The following PLB1 variants were observed in gnomAD, a reference collection of about 807,000 sequenced individuals.
The protein encoded by PLB1 is phospholipase B1, membrane-associated.
PLB1 carries 242 observed loss-of-function variants against 227.4 expected under a neutral mutation model. That is an observed-to-expected ratio of 1.06 (90% CI 0.96 to 1.18). The LOEUF (loss-of-function observed/expected upper bound fraction) is 1.18, where lower values mean the gene tolerates loss of function less well. Ranked by LOEUF, PLB1 falls within the 50% of genes most tolerant of loss-of-function variation. PLB1 has a pLI of 0.00. For synonymous variants in PLB1, 757 were observed against 682.2 expected (o/e 1.11, Z -1.71); for missense variants, 1,858 against 1,816.3 (o/e 1.02, Z -0.42).
intron 17 of PLB1, among the ~76,000 whole-genome samples, chr2:28,556,986 G>C (rs765266389): frequency 3.3e-5 from 5 of 151,964 alleles, no homozygotes; most frequent in African/African-American, 1.2e-4. Context: ...TCATCTCATC[G>C]TGAGCCAGCA....
chr2:28,643,154 A>G lies in PLB1; in HGVS notation c.*93A>G, dbSNP rs1000008645. On this transcript the variant is annotated 3_prime_UTR_variant, in exon 58 of 58. Transcript: ENST00000327757. ...CTCCCGGCCACCAGGACATGCTTCA[A>G]TGCCTGGTGCCATAGGAAGCCCAGG... 5.5e-6 allele frequency: 7 copies of G among 1,266,372 alleles called. No individual in the cohort carries two copies. In the African/African-American group the frequency reaches 9.0e-5, roughly 16 times the overall value. 78.4% of individuals were successfully genotyped at this position (1,266,372 alleles called of 1,614,324 possible).
intron 32 of PLB1, 125 bp from the exon 33 acceptor site, chr2:28,593,556 G>T: frequency 1.3e-6 from 1 of 753,930 alleles, no homozygotes. Flanking sequence ...GGGGCTCCTG[G>T]TTCCATGTCT....
At chr2:28,504,777 CA>C (rs1558630175) in intron 1 of PLB1, among the ~76,000 whole-genome samples, 1 of 152,060 alleles carries the variant, frequency 6.6e-6, no homozygotes, top group African/African-American at 2.4e-5. Flanking sequence ...AACAAAAATT[CA>C]TTTTGAAATT....
chr2:28,567,624 C>T (rs1260283366), intron 20 of PLB1, among the ~76,000 whole-genome samples: 2 of 151,956 alleles, frequency 1.3e-5, no homozygotes, highest in South Asian at 2.1e-4. Flanking sequence ...CAGGCCCCCG[C>T]CACCACACCC....
intron 46 of PLB1, among the ~76,000 whole-genome samples, chr2:28,619,524 G>GTTT (rs1054121256): frequency 1.1e-4 from 5 of 47,236 alleles, no homozygotes; most frequent in Admixed American, 2.1e-4. Context: ...TCAAGGTTTT[G>GTTT]TTTTTTTTTT....
intron 14 of PLB1, among the ~76,000 whole-genome samples, chr2:28,545,161 T>A (rs1281122897): frequency 6.6e-6 from 1 of 152,016 alleles, no homozygotes; most frequent in Non-Finnish European, 1.5e-5. Flanking sequence ...ACAGAGAGTG[T>A]CACAAGGGCT....
intron 51 of PLB1, 57 bp from the exon 52 acceptor site, chr2:28,628,506 G>A (rs1688124072): frequency 1.3e-6 from 2 of 1,517,096 alleles, no homozygotes; most frequent in Admixed American, 1.7e-5. Flanking sequence ...CTATGCTCTT[G>A]CCATTCTCTC....
At chr2:28,582,158 T>C in intron 24 of PLB1, 25 bp downstream of exon 24, 1 of 1,605,154 alleles carries the variant, frequency 6.2e-7, no homozygotes, top group Non-Finnish European at 8.5e-7. Flanking sequence ...CCATGAGGCC[T>C]GCATCTTAGA....
intron 55 of PLB1, among the ~76,000 whole-genome samples, chr2:28,632,447 T>C (rs142219520): frequency 1.2e-3 from 183 of 152,228 alleles, no homozygotes; most frequent in African/African-American, 4.1e-3. Flanking sequence ...ATAGGGGTGC[T>C]GAAAGAAAAG....
intron 31 of PLB1, 66 bp from the exon 32 acceptor site, chr2:28,592,595 A>G (rs1485966783): frequency 2.0e-6 from 3 of 1,509,460 alleles, no homozygotes; most frequent in Admixed American, 3.3e-5. Context: ...GCTTGAAGCC[A>G]GAGGCACTAG....
At chr2:28,519,986 T>A (rs1669300917) in intron 4 of PLB1, among the ~76,000 whole-genome samples, 1 of 152,114 alleles carries the variant, frequency 6.6e-6, no homozygotes, top group Admixed American at 6.5e-5. Flanking sequence ...TGGAGTGTAA[T>A]GGCGCAACCT....
intron 22 of PLB1, among the ~76,000 whole-genome samples, chr2:28,578,852 G>C (rs1679442335): frequency 2.0e-5 from 3 of 152,086 alleles, no homozygotes; most frequent in Admixed American, 6.5e-5. Context: ...AAACTTTCCT[G>C]GATCTTGTTC....
rs181725201 is a variant in PLB1 at position 28,637,942 on chromosome 2, A to C, written c.4099-2985A>C. On this transcript the variant is annotated intron_variant, in intron 56 of 57. Transcript: ENST00000327757. ...GGCTTAGGAAAGACTGGTTCTAGGA[A>C]AAACAATTTCATTCCCTGTGGCCAG... Among the ~76,000 whole-genome samples the C allele has an allele frequency of 9.9e-5, 15 of 152,284 alleles. 1 individual carries two copies. The East Asian group carries it at 2.9e-3, about 29-fold the overall frequency.
chr2:28,583,849 C>CA (rs201248672), intron 25 of PLB1, among the ~76,000 whole-genome samples: 30,743 of 144,476 alleles, frequency 0.21, 3,235 homozygotes, highest in East Asian at 0.3. Flanking sequence ...GCAAATATTC[C>CA]AAAAAAAAAA....
Position 28,642,889 on chromosome 2 carries a change from G to A in PLB1, c.4205G>A (p.Ser1402Asn). ...CCTTACCTCTACACCCTGCGGAACA[G>A]CCGATTGCTCCCAGACCAGGCTGAA... The part of the protein sequence containing the change: ...ESPYLYTLRN[S>N]RLLPDQAEEA... The change falls in exon 58 of 58, where the codon AGC becomes AAC. Residue 1402 changes from serine (S) to asparagine (N), a missense_variant. Ser to Asn is a conservative substitution (Grantham distance 46). Coordinates refer to ENST00000327757, the MANE Select transcript of PLB1 (RefSeq NM_153021.5). 1 of 1,606,968 alleles carries A rather than the reference G, an allele frequency of 6.2e-7. No homozygotes were observed. The highest frequency in any genetic ancestry group is 2.2e-5 in the East Asian group (1 of 44,682).
At chr2:28,534,879 G>GAA (rs34508702) in intron 9 of PLB1, among the ~76,000 whole-genome samples, 1 of 151,494 alleles carries the variant, frequency 6.6e-6, no homozygotes, top group Non-Finnish European at 1.5e-5. Flanking sequence ...AAAAAGAAAA[G>GAA]AAAAAAACAG....
chr2:28,591,419 A>G (rs1681908359), intron 30 of PLB1, among the ~76,000 whole-genome samples: 1 of 152,180 alleles, frequency 6.6e-6, no homozygotes, highest in Admixed American at 6.5e-5. Context: ...TTCCTTGTAG[A>G]GCTGGTGCAG....
At chr2:28,528,941 CTTTTTTTTTTT>C (rs201087238) in intron 6 of PLB1, among the ~76,000 whole-genome samples, 8 of 109,432 alleles carry the variant, frequency 7.3e-5, no homozygotes, top group African/African-American at 2.7e-4. Context: ...GGGAGTCAGT[CTTTTTTTTTTT>C]TTTTTTTTTT....
intron 19 of PLB1, among the ~76,000 whole-genome samples, chr2:28,565,678 A>G (rs896422187): frequency 6.6e-6 from 1 of 152,108 alleles, no homozygotes; most frequent in Non-Finnish European, 1.5e-5. Context: ...TGCACAGATC[A>G]TTGCCTTTGG....
Sources: gnomAD v4.1 joint callset for allele counts (sites outside exome capture counted in the v4.1 genomes callset) on GRCh38, gnomAD v4.1.1 for gene constraint, MANE v1.5 for transcripts, NCBI Gene and HGNC (gene_info 2026-07-23, HGNC 2026-07-21) for gene names.